The following MYO15A variants were observed in gnomAD, a reference collection of about 807,000 sequenced individuals.
The protein encoded by MYO15A is unconventional myosin-XV.
MYO15A carries 308 observed loss-of-function variants against 394.6 expected under a neutral mutation model. That is an observed-to-expected ratio of 0.78 (90% confidence interval 0.71 to 0.86). The LOEUF (loss-of-function observed/expected upper bound fraction) is 0.86, where lower values mean the gene tolerates loss of function less well. Among genes scored for constraint, MYO15A ranks in the 40% least tolerant of loss-of-function variants. The pLI is 0.00. For missense variants in MYO15A, 4,606 were observed against 4,799.1 expected, an observed-to-expected ratio of 0.96 and a Z score of 1.19; for synonymous variants, 1,957 against 2,003.8, an observed-to-expected ratio of 0.98 and a Z score of 0.62.
chr17:18,150,327 C>T lies in MYO15A; in HGVS notation c.7213-102C>T, dbSNP rs189967724. 887 of 1,078,474 alleles carry T rather than the reference C, an allele frequency of 8.2e-4. No homozygotes were observed. The highest frequency in any genetic ancestry group is 1.1e-3 in the Non-Finnish European group (790 of 705,232). The allele number at this position is 1,078,474 out of a possible 1,614,324, so 66.8% of individuals were successfully genotyped here. ...CTGAGCCAGTGGGAGGCTGCCCCCTCCCACGAGAGGGTGGGGAAGAGGCCA... is the reference window on the plus strand; with the variant it reads ...CTGAGCCAGTGGGAGGCTGCCCCCTTCCACGAGAGGGTGGGGAAGAGGCCA... On this transcript the variant is annotated intron_variant, in intron 35 of 65. Transcript: ENST00000647165. The surrounding 1 kb of genome is among the most constrained non-coding windows in gnomAD (Gnocchi z 4.4).
chr17:18,122,015 G>C lies in MYO15A; in HGVS notation c.3215G>C (p.Arg1072Thr). Residue 1072 changes from arginine (R) to threonine (T), a missense_variant, in exon 2 of 66, where the codon AGG (arginine) becomes ACG (threonine). Coordinates refer to ENST00000647165, the MANE Select transcript of MYO15A (RefSeq NM_016239.4). ...SYPLAACDQT[R>T]ATWPPWHRWG... ...CCACTGGCTGCGTGTGACCAGACCAGGGCCACATGGCCACCATGGCACCGC... is the reference window on the plus strand; with the variant it reads ...CCACTGGCTGCGTGTGACCAGACCACGGCCACATGGCCACCATGGCACCGC... 1.9e-6 allele frequency: 3 copies of C among 1,613,162 alleles called. No homozygotes were observed. The highest frequency in any genetic ancestry group is 1.7e-6 in the Non-Finnish European group (2 of 1,180,016).
At position 18,132,633 on chromosome 17, in the gene MYO15A, C is replaced by A; in HGVS notation, c.4320+67C>A. On this transcript the variant is annotated intron_variant, in intron 11 of 65. Coordinates refer to ENST00000647165, the MANE Select transcript of MYO15A (RefSeq NM_016239.4). The surrounding 1 kb of genome is among the most constrained non-coding windows in gnomAD (Gnocchi z 4.6). ...TCCCACCCCGACGCCCCTGGCTGGG[C>A]CTTGGGAGCCGAGTTGTGAGTGATG... The A allele has an allele frequency of 1.5e-6, 2 of 1,328,866 alleles. No individual in the cohort carries two copies. Among genetic ancestry groups the A allele is most frequent in the East Asian group, 4.6e-5 (2 of 43,510 alleles). The allele number at this position is 1,328,866 out of a possible 1,614,324, so 82.3% of individuals were successfully genotyped here. A position where few individuals can be genotyped will look rare whatever the true frequency, so the allele number is the denominator to read the frequency against.
intron 64 of MYO15A, chr17:18,172,521 C>G (rs2046956938): frequency 1.6e-6 from 1 of 641,142 alleles, no homozygotes; most frequent in African/African-American, 1.8e-5. Flanking sequence ...TGAGGTAAAA[C>G]ATACTCTATG....
chr17:18,176,350 AAG>A (rs2047012955), intron 65 of MYO15A, among the ~76,000 whole-genome samples: 1 of 151,922 alleles, frequency 6.6e-6, no homozygotes, highest in Admixed American at 6.6e-5. Context: ...ATCACGTGGC[AAG>A]AGAGGGAACA....
In MYO15A at chr17:18,132,309, C is replaced by A; in HGVS notation, c.4207-144C>A. The A allele has an allele frequency of 2.9e-6, 2 of 678,956 alleles. No individual in the cohort carries two copies. The highest frequency in any genetic ancestry group is 5.3e-6 in the Non-Finnish European group (2 of 376,700). 42.1% of individuals were successfully genotyped at this position (678,956 alleles called of 1,614,324 possible). ...CCCGCAGCTGGCACCAGGCTGGGAG[C>A]CTCACCCATCACAGAGGCGCGTGTT... On this transcript the variant is annotated intron_variant, in intron 10 of 65. Transcript: ENST00000647165. This position sits in a 1 kb window ranked among gnomAD's most constrained non-coding sequence, Gnocchi z 4.6.
rs367814130 is a variant in MYO15A, at chr17:18,171,756, C to T, written c.10201C>T (p.Arg3401Cys). 2.6e-5 allele frequency: 42 copies of T among 1,610,322 alleles called. No individual in the cohort carries two copies. The highest frequency in any genetic ancestry group is 2.3e-4 in the Admixed American group (14 of 59,986). The change falls in exon 63 of 66, where the codon CGT becomes TGT. Residue 3401 changes from arginine (R) to cysteine (C), a missense_variant. This residue lies in a region of MYO15A where 2,776 missense variants were observed against 3,109.3 expected (regional missense o/e 0.89). Transcript: ENST00000647165. Reference protein sequence around the residue: ...QTQALSPHQARAQFLGLLSAL... With the variant: ...QTQALSPHQACAQFLGLLSAL... ...ACAGGCGCTCAGCCCCCACCAGGCCCGTGCCCAGTTTCTGGGTAAGAGCTG... is the reference window on the plus strand; with the variant it reads ...ACAGGCGCTCAGCCCCCACCAGGCCTGTGCCCAGTTTCTGGGTAAGAGCTG...
chr17:18,121,512 G>A lies in MYO15A; in HGVS notation c.2712G>A (p.Leu904=). Residue 904 remains leucine (L), a synonymous_variant, in exon 2 of 66, where the codon CTG becomes CTA. Coordinates refer to ENST00000647165, the MANE Select transcript of MYO15A (RefSeq NM_016239.4). The surrounding 1 kb of genome is among the most constrained non-coding windows in gnomAD (Gnocchi z 5.3). ...PPRAGAWRAP[L]EHRESPREPE... is the part of the protein sequence containing the mutation. ...GGGCCGGGGCCTGGCGGGCGCCCCT[G>A]GAACACCGGGAGAGCCCGCGAGAAC... 1.3e-6 allele frequency: 2 copies of A among 1,556,460 alleles called. No homozygotes were observed. The highest frequency in any genetic ancestry group is 1.7e-6 in the Non-Finnish European group (2 of 1,150,830).
At position 18,137,837 on chromosome 17, in the gene MYO15A, C is replaced by A; in HGVS notation, c.4875+158C>A. The A allele has an allele frequency of 6.1e-6, 6 of 978,168 alleles. No individual in the cohort carries two copies. The South Asian group carries it at 8.5e-5, about 14-fold the overall frequency. The allele number at this position is 978,168 out of a possible 1,614,324, so 60.6% of individuals were successfully genotyped here. On this transcript the variant is annotated intron_variant, in intron 16 of 65. Coordinates refer to ENST00000647165, the MANE Select transcript of MYO15A (RefSeq NM_016239.4). Reference sequence around the variant, plus strand: ...AGCTGGGGACCAGCCCATGGGAAGGCCTCTGTTCTGGAGGGAAAGGTGCTG... The same window carrying A: ...AGCTGGGGACCAGCCCATGGGAAGGACTCTGTTCTGGAGGGAAAGGTGCTG...
chr17:18,159,113 C>T (rs1293975327), intron 53 of MYO15A, 116 bp downstream of exon 53: 40 of 1,397,686 alleles, frequency 2.9e-5, no homozygotes, highest in Non-Finnish European at 1.0e-6. Flanking sequence ...TTCTCAGCAC[C>T]CTGATTCCCT....
At chr17:18,157,978 G>C in intron 51 of MYO15A, 78 bp downstream of exon 51, 1 of 1,434,696 alleles carries the variant, frequency 7.0e-7, no homozygotes, top group Non-Finnish European at 9.1e-7. Context: ...GGCGAGTGGG[G>C]ATAAGGTGGG....
intron 1 of MYO15A, among the ~76,000 whole-genome samples, chr17:18,112,153 G>T (rs1186542238): frequency 2.6e-5 from 4 of 152,176 alleles, no homozygotes; most frequent in Admixed American, 2.6e-4. Context: ...CAGACAGAAG[G>T]TATGGCTCTG....
chr17:18,167,688 G>A lies in MYO15A; in HGVS notation c.10047G>A (p.Gln3349=). ...LQQVSKLASL[Q]HRAKDHFYLP... ...AGGTGTCCAAGCTGGCTTCACTGCA[G>A]CATCGCGCCAAGGACCACTTCTACC... The change falls in exon 62 of 66, where the codon CAG becomes CAA. Residue 3349 remains glutamine (Q), a synonymous_variant. Coordinates refer to ENST00000647165, the MANE Select transcript of MYO15A (RefSeq NM_016239.4). The A allele has an allele frequency of 1.2e-6, 2 of 1,604,176 alleles. No homozygotes were observed. The highest frequency in any genetic ancestry group is 1.1e-5 in the South Asian group (1 of 91,086).
At chr17:18,136,296 GCA>G in intron 13 of MYO15A, 119 bp from the exon 14 acceptor site, 2 of 1,243,944 alleles carry the variant, frequency 1.6e-6, no homozygotes, top group Non-Finnish European at 2.3e-6. Flanking sequence ...GTCTCTGTGT[GCA>G]CAGTCACAAC....
chr17:18,142,734 C>T (rs753186973), intron 24 of MYO15A, 22 bp from the exon 25 acceptor site: 9 of 1,609,330 alleles, frequency 5.6e-6, no homozygotes, highest in Middle Eastern at 3.3e-4. Context: ...CAATCCCTGA[C>T]CTCCCCACTA....
chr17:18,143,666 A>G (rs762363165), intron 26 of MYO15A, 47 bp downstream of exon 26: 5 of 1,573,160 alleles, frequency 3.2e-6, no homozygotes, highest in Non-Finnish European at 3.5e-6. Context: ...GGAGGCTGGC[A>G]GGTGGGGATG....
At chr17:18,127,715 A>G (rs1265278545) in intron 7 of MYO15A, among the ~76,000 whole-genome samples, 1 of 151,936 alleles carries the variant, frequency 6.6e-6, no homozygotes, top group Non-Finnish European at 1.5e-5. Context: ...AGATCTACTG[A>G]AGACCTACTG....
At chr17:18,149,090 T>G in intron 33 of MYO15A, 126 bp from the exon 34 acceptor site, 1 of 1,481,752 alleles carries the variant, frequency 6.7e-7, no homozygotes, top group South Asian at 1.2e-5. Context: ...CTTAAGGAGG[T>G]AGAGTTCACC....
chr17:18,163,163 G>A (rs2046800810), intron 58 of MYO15A, 81 bp from the exon 59 acceptor site: 2 of 1,465,484 alleles, frequency 1.4e-6, no homozygotes, highest in Non-Finnish European at 1.9e-6. Context: ...CTTTGGCTTG[G>A]GAACTCCCAG....
intron 44 of MYO15A, 59 bp downstream of exon 44, chr17:18,154,249 A>C: frequency 6.3e-7 from 1 of 1,589,178 alleles, no homozygotes; most frequent in South Asian, 1.1e-5. Flanking sequence ...GTGGACGCAA[A>C]GATGAGCTAG....
Sources: allele counts gnomAD v4.1 joint callset (sites outside exome capture counted in the v4.1 genomes callset), GRCh38; gene constraint gnomAD v4.1.1; regional missense constraint gnomAD v4.1.1; non-coding constraint Gnocchi (gnomAD v3.1); transcripts MANE v1.5; gene names NCBI Gene and HGNC (gene_info 2026-07-23, HGNC 2026-07-21).